UGT1A6: variants seen among roughly 807,000 people sequenced by gnomAD.
UGT1A6 encodes UDP-glucuronosyltransferase 1A6.
UGT1A6 carries 32 observed loss-of-function variants against 44.4 expected under a neutral mutation model. That is an observed-to-expected ratio of 0.72 (90% CI 0.54 to 0.97). The LOEUF (loss-of-function observed/expected upper bound fraction) is 0.97, where lower values mean the gene tolerates loss of function less well. UGT1A6 is among the 50% of genes least tolerant of loss of function. The pLI is 0.00. For missense variants in UGT1A6, 685 were observed against 661.9 expected, an observed-to-expected ratio of 1.03 and a Z score of -0.38; for synonymous variants, 238 against 248.5, an observed-to-expected ratio of 0.96 and a Z score of 0.40.
chr2:233,768,519 G>A, intron 4 of UGT1A6, 80 bp downstream of exon 4: 2 of 1,531,284 alleles, frequency 1.3e-6, no homozygotes, highest in Non-Finnish European at 1.8e-6. Flanking sequence ...CATTTACGTA[G>A]CATTTAATAG....
intron 1 of UGT1A6, among the ~76,000 whole-genome samples, chr2:233,727,669 C>T (rs531135628): frequency 6.8e-4 from 104 of 152,310 alleles, no homozygotes; most frequent in Non-Finnish European, 1.3e-3. Flanking sequence ...TATGTCCTTA[C>T]AAATTCCCAG....
chr2:233,693,016 C>T lies in UGT1A6; in HGVS notation c.12C>T (p.Leu4=), dbSNP rs769422699. 76 of 1,613,998 alleles carry T rather than the reference C, an allele frequency of 4.7e-5. No homozygotes were observed. The highest frequency in any genetic ancestry group is 5.9e-5 in the Non-Finnish European group (70 of 1,180,028). The change falls in exon 1 of 5, where the codon CTC becomes CTT. Residue 4 remains leucine, a synonymous_variant. Coordinates refer to ENST00000305139, the MANE Select transcript of UGT1A6 (RefSeq NM_001072.4). MAC[L]LRSFQRISAG... is the part of the protein sequence containing the mutation. ...TAACTCTTTCCAGGATGGCCTGCCTCCTTCGCTCATTTCAGAGAATTTCTG... is the reference window on the plus strand; with the variant it reads ...TAACTCTTTCCAGGATGGCCTGCCTTCTTCGCTCATTTCAGAGAATTTCTG...
Position 233,772,833 on chromosome 2 carries a change from T to G in UGT1A6, c.*274T>G. 1.1e-6 allele frequency: 1 copy of G among 879,514 alleles called. No individual in the cohort carries two copies. Among genetic ancestry groups the G allele is most frequent in the Non-Finnish European group, 1.6e-6 (1 of 630,666 alleles). 54.5% of individuals were successfully genotyped at this position (879,514 alleles called of 1,614,324 possible). A position where few individuals can be genotyped will look rare whatever the true frequency, so the allele number is the denominator to read the frequency against. ...AGGACGTGCAGACAGGCTGGCATTCTAGATTACTTTTCTTACTCTGAAACA... is the reference window on the plus strand; with the variant it reads ...AGGACGTGCAGACAGGCTGGCATTCGAGATTACTTTTCTTACTCTGAAACA... On this transcript the variant is annotated 3_prime_UTR_variant, in exon 5 of 5. Transcript: ENST00000305139.
chr2:233,743,388 G>A (rs1692276435), intron 1 of UGT1A6: 2 of 1,234,066 alleles, frequency 1.6e-6, no homozygotes, highest in Non-Finnish European at 2.2e-6. Flanking sequence ...CGTAGGACAT[G>A]CAGAAGGAAG....
At chr2:233,738,804 C>A (rs532221279) in intron 1 of UGT1A6, 1 of 152,292 alleles carries the variant, frequency 6.6e-6, no homozygotes, top group African/African-American at 2.4e-5. Flanking sequence ...GAAATACTAG[C>A]TAAAGAAATT....
At chr2:233,766,896 A>G (rs1384164988) in intron 1 of UGT1A6, 138 bp from the exon 2 acceptor site, 7 of 1,480,032 alleles carry the variant, frequency 4.7e-6, no homozygotes, top group Non-Finnish European at 6.2e-6. Context: ...TTACATATTA[A>G]TAATTTTTTA....
Position 233,694,008 on chromosome 2 carries a change from G to A in UGT1A6, c.861+143G>A, listed in dbSNP as rs12478255. 6,635 of 1,456,404 alleles carry A rather than the reference G, an allele frequency of 4.6e-3. 175 individuals are homozygous for A. In the Admixed American group the frequency reaches 0.07, roughly 15 times the overall value. The allele number at this position is 1,456,404 out of a possible 1,614,324, so 90.2% of individuals were successfully genotyped here. On this transcript the variant is annotated intron_variant, in intron 1 of 4. Coordinates refer to ENST00000305139, the MANE Select transcript of UGT1A6 (RefSeq NM_001072.4). Reference sequence around the variant, plus strand: ...GAAGTGATACCCGGCTCGGAGCAGCGGGAACACATAGGAGACCTGAGGCTG... The same window carrying A: ...GAAGTGATACCCGGCTCGGAGCAGCAGGAACACATAGGAGACCTGAGGCTG...
At chr2:233,746,265 C>T (rs187514797) in intron 1 of UGT1A6, among the ~76,000 whole-genome samples, 21 of 151,710 alleles carry the variant, frequency 1.4e-4, no homozygotes, top group Admixed American at 8.5e-4. Context: ...CAGAACAAAA[C>T]GCTGTGGGGA....
chr2:233,752,202 T>G (rs1037176887), intron 1 of UGT1A6: 1 of 152,188 alleles, frequency 6.6e-6, no homozygotes, highest in African/African-American at 2.4e-5. Context: ...TGTGTTGAAC[T>G]CCAGCCAGAA....
At chr2:233,736,111 A>G (rs1342253257) in intron 1 of UGT1A6, among the ~76,000 whole-genome samples, 1 of 152,176 alleles carries the variant, frequency 6.6e-6, no homozygotes, top group East Asian at 1.9e-4. Flanking sequence ...GTGTTTTCCA[A>G]CTTGTTTCCA....
intron 1 of UGT1A6, chr2:233,713,893 A>C (rs774657608): frequency 3.1e-6 from 5 of 1,613,332 alleles, no homozygotes; most frequent in Non-Finnish European, 4.2e-6. Flanking sequence ...TCAATGTTCC[A>C]GGCAAAACAC....
chr2:233,769,404 C>A lies in UGT1A6; in HGVS notation c.1301+965C>A. The A allele has an allele frequency of 8.2e-7, 1 of 1,225,146 alleles. No homozygotes were observed. The highest frequency in any genetic ancestry group is 1.2e-6 in the Non-Finnish European group (1 of 856,112). The allele number at this position is 1,225,146 out of a possible 1,614,324, so 75.9% of individuals were successfully genotyped here. ...ACAATAGATACTGTGTGCATATGTGCGTGTGCGTTTGTGCATGTGGCTGTG... is the reference window on the plus strand; with the variant it reads ...ACAATAGATACTGTGTGCATATGTGAGTGTGCGTTTGTGCATGTGGCTGTG... On this transcript the variant is annotated intron_variant, in intron 4 of 4. Transcript: ENST00000305139. The surrounding 1 kb of genome is among the most constrained non-coding windows in gnomAD (Gnocchi z 4.4).
Position 233,767,829 on chromosome 2 carries a change from G to A in UGT1A6, c.994-20G>A. On this transcript the variant is annotated intron_variant, in intron 2 of 4. Coordinates refer to ENST00000305139, the MANE Select transcript of UGT1A6 (RefSeq NM_001072.4). ...ATATTATGTTCTTTCTTTACGTTCT[G>A]CTCTTTTTGCCCCTCCCAGGTCCTG... 6.2e-7 allele frequency: 1 copy of A among 1,614,106 alleles called. No individual in the cohort carries two copies.
At position 233,732,958 on chromosome 2, in the gene UGT1A6, C is replaced by T. The variant is rs75520741; in HGVS notation, c.862-34076C>T. Among the ~76,000 whole-genome samples, 102 of 152,154 alleles carry T rather than the reference C, an allele frequency of 6.7e-4. 1 individual carries two copies. Among genetic ancestry groups the T allele is most frequent in the Non-Finnish European group, 1.2e-3 (82 of 67,996 alleles). ...TATCCATGAGCATGGAATGTTCTTC[C>T]ATTTGTTTGTGTCTTCTTTTATTTC... On this transcript the variant is annotated intron_variant, in intron 1 of 4. Coordinates refer to ENST00000305139, the MANE Select transcript of UGT1A6 (RefSeq NM_001072.4).
intron 1 of UGT1A6, among the ~76,000 whole-genome samples, chr2:233,696,572 A>G (rs919511146): frequency 2.0e-5 from 3 of 151,960 alleles, no homozygotes; most frequent in Non-Finnish European, 4.4e-5. Context: ...GAGAACAAGA[A>G]TAATTTGACT....
chr2:233,749,850 T>C (rs1468602836), intron 1 of UGT1A6, among the ~76,000 whole-genome samples: 1 of 151,948 alleles, frequency 6.6e-6, no homozygotes. Flanking sequence ...TCTTTGCCTC[T>C]CTCTCACTTT....
chr2:233,692,868 A>C, upstream of UGT1A6: 1 of 1,483,334 alleles, frequency 6.7e-7, no homozygotes, highest in Non-Finnish European at 8.9e-7. Flanking sequence ...TACATATCAA[A>C]GGGTAAAATT....
chr2:233,739,909 T>C (rs572345956), intron 1 of UGT1A6, among the ~76,000 whole-genome samples: 1 of 151,874 alleles, frequency 6.6e-6, no homozygotes, highest in Non-Finnish European at 1.5e-5. Context: ...TCTCATATTG[T>C]AATTTCCATA....
At chr2:233,724,656 G>C (rs1447865795) in intron 1 of UGT1A6, among the ~76,000 whole-genome samples, 2 of 142,148 alleles carry the variant, frequency 1.4e-5, no homozygotes, top group African/African-American at 5.4e-5. Context: ...CTGGGAAGAG[G>C]CGCTCCTCAC....
Sources: gnomAD v4.1 joint callset for allele counts (sites outside exome capture counted in the v4.1 genomes callset) on GRCh38, gnomAD v4.1.1 for gene constraint, Gnocchi (gnomAD v3.1) non-coding constraint, MANE v1.5 for transcripts, NCBI Gene and HGNC (gene_info 2026-07-23, HGNC 2026-07-21) for gene names.